The following GPR55 variants were observed in gnomAD, a reference collection of about 807,000 sequenced individuals.
The protein encoded by GPR55 is G-protein coupled receptor 55.
GPR55 carries 6 observed loss-of-function variants against 7.9 expected under a neutral mutation model. The observed-to-expected ratio is 0.76, with a 90% CI of 0.41 to 1.49. GPR55 has a LOEUF of 1.49. Ranked by LOEUF, GPR55 falls within the 40% of genes most tolerant of loss-of-function variation. GPR55 has a pLI of 0.01. For synonymous variants in GPR55, 183 were observed against 166.8 expected (o/e 1.10, Z -0.75); for missense variants, 376 against 406.0 (o/e 0.93, Z 0.63).
At position 230,910,793 on chromosome 2, in the gene GPR55, G is replaced by A. The variant is rs1190195203; in HGVS notation, c.170C>T (p.Ala57Val). The change falls in exon 2 of 2, where the codon GCT becomes GTT. Residue 57 changes from alanine (A) to valine (V), a missense_variant. Transcript: ENST00000650999. The surrounding 1 kb of genome is among the most constrained non-coding windows in gnomAD (Gnocchi z 5.4). ...GTTGATCATGTAGATGGAGGTGGCA[G>A]CATAATCGGGCCACCTGTTCTTAAG... ...TFLKNRWPDY[A>V]ATSIYMINLA... is the part of the protein sequence containing the mutation. The A allele has an allele frequency of 6.2e-7, 1 of 1,613,162 alleles. No homozygotes were observed. Among genetic ancestry groups the A allele is most frequent in the South Asian group, 1.1e-5 (1 of 91,064 alleles).
chr2:230,934,112 C>T (rs1691096497), intron 1 of GPR55, among the ~76,000 whole-genome samples: 1 of 152,146 alleles, frequency 6.6e-6, no homozygotes, highest in Non-Finnish European at 1.5e-5. Flanking sequence ...GGACTGTCCC[C>T]CAGGGGCACT....
chr2:230,948,937 C>A (rs936222527), intron 1 of GPR55, among the ~76,000 whole-genome samples: 2 of 152,096 alleles, frequency 1.3e-5, no homozygotes, highest in African/African-American at 2.4e-5. Context: ...GGTTTGGTGG[C>A]GTGCGCCTGT....
chr2:230,926,271 C>T (rs1253768687), upstream of GPR55, among the ~76,000 whole-genome samples: 1 of 152,228 alleles, frequency 6.6e-6, no homozygotes, highest in Admixed American at 6.5e-5. Context: ...GTTGATGGAA[C>T]CATGACAACT....
rs767722127 is a variant in GPR55, at chr2:230,910,010, C to T, written c.953G>A (p.Arg318Gln). 36 of 1,612,202 alleles carry T rather than the reference C, an allele frequency of 2.2e-5. No homozygotes were observed. In the Middle Eastern group the frequency reaches 8.5e-4, roughly 38 times the overall value. ...GAACAGGATGTCCTTCCGTTAGCCC[C>T]GGGAGATCGTGGTGTCCTGCAGGAC... ...QLVLQDTTIS[R>Q]G Residue 318 changes from arginine (R) to glutamine (Q), a missense_variant, in exon 2 of 2, where the codon CGG (arginine) becomes CAG (glutamine). Physicochemically the swap from Arg to Gln is conservative, Grantham distance 43. Transcript: ENST00000650999. The surrounding 1 kb of genome is among the most constrained non-coding windows in gnomAD (Gnocchi z 5.4).
Position 230,916,769 on chromosome 2 carries a change from T to G in GPR55, c.-134-5673A>C, listed in dbSNP as rs1276544562. ...TGAAAACCTTAAAAGCAACCACTAT[T>G]AAAAATATGATGTCTACCTTCAAAA... On this transcript the variant is annotated intron_variant, in intron 1 of 1. Coordinates refer to ENST00000650999, the MANE Select transcript of GPR55 (RefSeq NM_005683.4). 2.0e-5 allele frequency among the ~76,000 whole-genome samples: 3 copies of G among 151,936 alleles called. No homozygotes were observed. In the East Asian group the frequency reaches 5.8e-4, roughly 29 times the overall value.
intron 1 of GPR55, among the ~76,000 whole-genome samples, chr2:230,919,610 A>G (rs986041359): frequency 6.6e-6 from 1 of 152,194 alleles, no homozygotes; most frequent in Admixed American, 6.5e-5. Context: ...TTGGGATTTG[A>G]TAATTTCTAT....
chr2:230,926,848 C>T (rs1429501868), upstream of GPR55, among the ~76,000 whole-genome samples: 1 of 151,862 alleles, frequency 6.6e-6, no homozygotes, highest in African/African-American at 2.4e-5. Flanking sequence ...TGCCACCAGG[C>T]CCGACTAACT....
At chr2:230,951,756 G>GTTT (rs869195749) in intron 1 of GPR55, among the ~76,000 whole-genome samples, 7 of 47,536 alleles carry the variant, frequency 1.5e-4, no homozygotes, top group Admixed American at 1.8e-4. Context: ...TGTTATTGGG[G>GTTT]TTTTTTTTTT....
intron 1 of GPR55, among the ~76,000 whole-genome samples, chr2:230,922,064 G>A (rs1189158339): frequency 6.6e-6 from 1 of 152,048 alleles, no homozygotes; most frequent in East Asian, 1.9e-4. Flanking sequence ...CCAGAGGTAT[G>A]CAAGCAAAGG....
intron 1 of GPR55, among the ~76,000 whole-genome samples, chr2:230,922,445 G>T (rs1690859379): frequency 6.6e-6 from 1 of 152,104 alleles, no homozygotes; most frequent in Non-Finnish European, 1.5e-5. Context: ...GCACAATTGA[G>T]GTTCACTGCA....
Position 230,923,489 on chromosome 2 carries a change from G to A in GPR55, c.-135+1679C>T, listed in dbSNP as rs969351401. ...ATAGTGTGAATAAAGTCATCCGCCTGTGCCTGAGCTGGGCTTCTGGGGGCC... is the reference window on the plus strand; with the variant it reads ...ATAGTGTGAATAAAGTCATCCGCCTATGCCTGAGCTGGGCTTCTGGGGGCC... On this transcript the variant is annotated intron_variant, in intron 1 of 1. Coordinates refer to ENST00000650999, the MANE Select transcript of GPR55 (RefSeq NM_005683.4). The surrounding 1 kb of genome is among the most constrained non-coding windows in gnomAD (Gnocchi z 4.1). Among the ~76,000 whole-genome samples, 5 of 152,194 alleles carry A rather than the reference G, an allele frequency of 3.3e-5. No individual in the cohort carries two copies. Among genetic ancestry groups the A allele is most frequent in the South Asian group, 2.1e-4 (1 of 4,832 alleles).
chr2:230,947,788 C>T (rs2125068508), intron 1 of GPR55, among the ~76,000 whole-genome samples: 3 of 152,232 alleles, frequency 2.0e-5, no homozygotes, highest in Middle Eastern at 6.8e-3. Context: ...AAGTGTCGAC[C>T]ACCACATCCA....
At chr2:230,929,264 ACCCTGCC>A (rs1690992920), upstream of GPR55, among the ~76,000 whole-genome samples, 1 of 151,850 alleles carries the variant, frequency 6.6e-6, no homozygotes, top group Admixed American at 6.6e-5. Context: ...GAGGACTGAC[ACCCTGCC>A]CCCTAGGTGC....
rs1234989198 is a variant in GPR55, at chr2:230,910,077, G to A, written c.886C>T (p.Arg296Cys). 1.5e-5 allele frequency: 25 copies of A among 1,614,036 alleles called. No homozygotes were observed. The highest frequency in any genetic ancestry group is 1.9e-5 in the Non-Finnish European group (23 of 1,179,946). Residue 296 changes from arginine to cysteine, a missense_variant, in exon 2 of 2, where the codon CGC (arginine) becomes TGC (cysteine). Transcript: ENST00000650999. The surrounding 1 kb of genome is among the most constrained non-coding windows in gnomAD (Gnocchi z 5.4). ...GGCCGGTGGGCCCTGATGTTCATGC[G>A]GAATTCTTTGATGACAAAGTAGTAG... ...FCYYFVIKEF[R>C]MNIRAHRPSR...
chr2:230,954,156 G>A (rs1011623542), intron 1 of GPR55, among the ~76,000 whole-genome samples: 4 of 152,222 alleles, frequency 2.6e-5, no homozygotes, highest in South Asian at 2.1e-4. Context: ...ATGCAGCCCC[G>A]TAATCGTGCC....
intron 1 of GPR55, among the ~76,000 whole-genome samples, chr2:230,935,682 T>C (rs1330185212): frequency 6.6e-6 from 1 of 152,206 alleles, no homozygotes; most frequent in Admixed American, 6.5e-5. Flanking sequence ...GGAGAGGGGT[T>C]CCATTTTGGA....
At chr2:230,933,203 C>CTG in intron 1 of GPR55, among the ~76,000 whole-genome samples, 2 of 68,216 alleles carry the variant, frequency 2.9e-5, no homozygotes, top group Non-Finnish European at 6.1e-5. Context: ...CTTCCCTCCG[C>CTG]CCTCTCTGCC....
At chr2:230,913,418 A>G (rs1229007747) in intron 1 of GPR55, among the ~76,000 whole-genome samples, 1 of 152,196 alleles carries the variant, frequency 6.6e-6, no homozygotes, top group African/African-American at 2.4e-5. Context: ...TTATAGGTTC[A>G]TATATATATC....
At chr2:230,931,984 C>T (rs977085665) in intron 1 of GPR55, among the ~76,000 whole-genome samples, 12 of 152,140 alleles carry the variant, frequency 7.9e-5, no homozygotes, top group Non-Finnish European at 1.8e-4. Context: ...CAGCCCGGTC[C>T]CGTCGAGGCC....
Sources: allele counts gnomAD v4.1 joint callset (sites outside exome capture counted in the v4.1 genomes callset), GRCh38; gene constraint gnomAD v4.1.1; non-coding constraint Gnocchi (gnomAD v3.1); transcripts MANE v1.5; gene names NCBI Gene and HGNC (gene_info 2026-07-23, HGNC 2026-07-21).